The following ERICH3 variants were observed in gnomAD, a reference collection of about 807,000 sequenced individuals.
ERICH3 encodes the protein glutamate rich 3, also known as glutamate-rich protein 3.
A neutral mutation model predicts 131.1 loss-of-function variants in ERICH3; 126 were observed. The observed-to-expected ratio is 0.96, with a 90% CI of 0.83 to 1.11. The LOEUF is 1.11. ERICH3 is among the 50% of genes most tolerant of loss of function. The pLI is 0.00. For synonymous variants in ERICH3, 695 were observed against 644.6 expected, an observed-to-expected ratio of 1.08 and a Z score of -1.18; for missense variants, 2,050 against 1,810.7, an observed-to-expected ratio of 1.13 and a Z score of -2.40.
rs961463731 is a variant in ERICH3 at position 74,569,732 on chromosome 1, A to G, written c.*726T>C. 1 of 152,206 alleles carries G rather than the reference A, an allele frequency of 6.6e-6. No homozygotes were observed. The highest frequency in any genetic ancestry group is 6.5e-5 in the Admixed American group (1 of 15,284). The allele number at this position is 152,206 out of a possible 1,614,324, so 9.4% of individuals were successfully genotyped here. Reference sequence around the variant, plus strand: ...CCTATAAAGAAGGCCCCAGGGACAAAATGCTGGAAGCTACCATTTTACTAG... The same window carrying G: ...CCTATAAAGAAGGCCCCAGGGACAAGATGCTGGAAGCTACCATTTTACTAG... On this transcript the variant is annotated 3_prime_UTR_variant, in exon 15 of 15. Transcript: ENST00000326665.
chr1:74,672,580 T>A (rs1222817219), intron 1 of ERICH3, among the ~76,000 whole-genome samples: 1 of 152,164 alleles, frequency 6.6e-6, no homozygotes, highest in Non-Finnish European at 1.5e-5. Context: ...ATCTCAAATA[T>A]GTTGTCCTCT....
At chr1:74,611,739 A>AT (rs539039036) in intron 9 of ERICH3, among the ~76,000 whole-genome samples, 2 of 151,960 alleles carry the variant, frequency 1.3e-5, no homozygotes, top group African/African-American at 4.8e-5. Context: ...CAAGAAAGAA[A>AT]TTTTTTTTCT....
At chr1:74,637,745 C>A (rs1285248362) in intron 5 of ERICH3, among the ~76,000 whole-genome samples, 2 of 151,936 alleles carry the variant, frequency 1.3e-5, no homozygotes, top group Non-Finnish European at 2.9e-5. Context: ...CATGGTGAAA[C>A]CTTGTCTCTA....
chr1:74,628,705 A>G (rs998874867), intron 7 of ERICH3, among the ~76,000 whole-genome samples: 4 of 152,008 alleles, frequency 2.6e-5, no homozygotes, highest in African/African-American at 9.7e-5. Context: ...ACACACACAC[A>G]CACACACAGA....
At chr1:74,607,616 G>A (rs1194554744) in intron 9 of ERICH3, among the ~76,000 whole-genome samples, 2 of 151,762 alleles carry the variant, frequency 1.3e-5, no homozygotes, top group South Asian at 2.1e-4. Context: ...GGTGATTTTT[G>A]CTGGTAATAA....
At chr1:74,646,565 AAATC>A (rs1461122950) in intron 3 of ERICH3, 98 bp downstream of exon 3, 32 of 736,378 alleles carry the variant, frequency 4.3e-5, no homozygotes, top group Non-Finnish European at 5.9e-5. Context: ...ATATTAGACA[AAATC>A]AATTACAAAG....
chr1:74,571,481 C>T lies in ERICH3; in HGVS notation c.4229G>A (p.Arg1410Gln), dbSNP rs758047257. ...TGCTGCTGGCACTTCCTCCCCACTC[C>T]GTGCTAATTCCTCTACCACCACCTT... ...AGKVVVEELARSGEEVPAAEE... is the reference protein window; with the variant it reads ...AGKVVVEELAQSGEEVPAAEE... The change falls in exon 14 of 15, where the codon CGG (arginine) becomes CAG (glutamine). Residue 1410 changes from arginine to glutamine, a missense_variant. By Grantham distance (43) the Arg-to-Gln change is conservative. Transcript: ENST00000326665. 2.7e-5 allele frequency: 44 copies of T among 1,614,128 alleles called. No individual in the cohort carries two copies. The highest frequency in any genetic ancestry group is 3.5e-5 in the Non-Finnish European group (41 of 1,180,028).
In ERICH3 at chr1:74,571,650, C is replaced by A; in HGVS notation, c.4060G>T (p.Ala1354Ser). ...HGGGETAETAAEEREVLAGSE... is the reference protein window; with the variant it reads ...HGGGETAETASEEREVLAGSE... ...CCTGCCAACACCTCCCTCTCCTCTGCGGCTGTTTCTGCCGTTTCACCACCT... is the reference window on the plus strand; with the variant it reads ...CCTGCCAACACCTCCCTCTCCTCTGAGGCTGTTTCTGCCGTTTCACCACCT... Residue 1354 changes from alanine (A) to serine (S), a missense_variant, in exon 14 of 15, where the codon GCA becomes TCA. Physicochemically the swap from Ala to Ser is moderately conservative, Grantham distance 99. Transcript: ENST00000326665. 3 of 1,614,166 alleles carry A rather than the reference C, an allele frequency of 1.9e-6. No individual in the cohort carries two copies. Among genetic ancestry groups the A allele is most frequent in the South Asian group, 2.2e-5 (2 of 91,080 alleles).
chr1:74,592,200 C>A (rs1036846272), intron 11 of ERICH3: 1 of 152,180 alleles, frequency 6.6e-6, no homozygotes, highest in Non-Finnish European at 1.5e-5. Context: ...GATACCTTGA[C>A]AAACACCAGA....
At chr1:74,583,170 A>G (rs904880594) in intron 12 of ERICH3, among the ~76,000 whole-genome samples, 1 of 152,178 alleles carries the variant, frequency 6.6e-6, no homozygotes, top group Non-Finnish European at 1.5e-5. Context: ...GGAAAGTTCA[A>G]GAAATCATCC....
Position 74,612,785 on chromosome 1 carries a change from CT to C in ERICH3, c.1024del (p.Arg342GlyfsTer13). On this transcript the variant is annotated frameshift_variant, in exon 9 of 15. Transcript: ENST00000326665. LOFTEE classifies it high-confidence loss of function. ...GAGACTGAAGGGGAAACCATGATGCCTTTTGGAAATAAACTGAAAGGTCTCT... is the reference window on the plus strand; with the variant it reads ...GAGACTGAAGGGGAAACCATGATGCCTTTGGAAATAAACTGAAAGGTCTCT... ...EKETFQFISKRHHGFPFSLTF... is the reference protein window; with the variant it reads ...EKETFQFISKXHHGFPFSLTF... 1.3e-6 allele frequency: 2 copies of C among 1,585,364 alleles called. No individual in the cohort carries two copies. The highest frequency in any genetic ancestry group is 1.7e-6 in the Non-Finnish European group (2 of 1,157,844).
chr1:74,599,225 G>C (rs768429917), intron 11 of ERICH3, among the ~76,000 whole-genome samples: 4 of 151,840 alleles, frequency 2.6e-5, no homozygotes, highest in Non-Finnish European at 5.9e-5. Flanking sequence ...GGCTATAGTC[G>C]TAAATGTCCT....
chr1:74,656,487 G>A (rs984911908), intron 1 of ERICH3, among the ~76,000 whole-genome samples: 2 of 152,114 alleles, frequency 1.3e-5, no homozygotes, highest in African/African-American at 4.8e-5. Context: ...CCATTCCCAT[G>A]AGCCCTTGCC....
At chr1:74,621,212 G>A (rs1309547629) in intron 7 of ERICH3, among the ~76,000 whole-genome samples, 2 of 152,082 alleles carry the variant, frequency 1.3e-5, no homozygotes, top group Non-Finnish European at 2.9e-5. Flanking sequence ...GTGGGAGTGT[G>A]TTTGTTATAT....
Position 74,631,791 on chromosome 1 carries a change from T to C in ERICH3, c.741A>G (p.Glu247=). Residue 247 remains glutamate (E), a synonymous_variant, in exon 7 of 15, where the codon GAA becomes GAG. Coordinates refer to ENST00000326665, the MANE Select transcript of ERICH3 (RefSeq NM_001002912.5). ...TCCTTCTCCATGTTTCAGATCTATT[T>C]TCTCTTGTGATTTTCCCAGTTGGGG... ...PLPPTGKITR[E]NRSETWRRRR... is the part of the protein sequence containing the mutation. 1 of 1,613,678 alleles carries C rather than the reference T, an allele frequency of 6.2e-7. No individual in the cohort carries two copies. The highest frequency in any genetic ancestry group is 8.5e-7 in the Non-Finnish European group (1 of 1,179,720).
chr1:74,644,339 C>T (rs1189092103), intron 3 of ERICH3, among the ~76,000 whole-genome samples: 1 of 152,088 alleles, frequency 6.6e-6, no homozygotes, highest in African/African-American at 2.4e-5. Context: ...CATCTACTGA[C>T]TTGCCACTTC....
intron 1 of ERICH3, among the ~76,000 whole-genome samples, chr1:74,652,052 G>A (rs1442915834): frequency 1.3e-5 from 2 of 152,096 alleles, no homozygotes. Context: ...TCTTGCTTGG[G>A]ATACCACTTG....
chr1:74,673,799 G>A, upstream of ERICH3: 1 of 371,526 alleles, frequency 2.7e-6, no homozygotes, highest in East Asian at 4.3e-5. Flanking sequence ...TACTGGAACC[G>A]AGCCTGCGGA....
At chr1:74,630,739 G>A (rs1570891555) in intron 7 of ERICH3, among the ~76,000 whole-genome samples, 1 of 152,060 alleles carries the variant, frequency 6.6e-6, no homozygotes, top group East Asian at 1.9e-4. Context: ...GAGGAAGCCA[G>A]CAAATCCAAA....
Sources: allele counts gnomAD v4.1 joint callset (sites outside exome capture counted in the v4.1 genomes callset), GRCh38; gene constraint gnomAD v4.1.1; transcripts MANE v1.5; gene names NCBI Gene and HGNC (gene_info 2026-07-23, HGNC 2026-07-21).